ACYP2: variants seen among roughly 807,000 people sequenced by gnomAD.
ACYP2 encodes the protein acylphosphatase 2.
Under a neutral mutation model 11.2 loss-of-function variants are expected in ACYP2, and 12 were observed. That is an observed-to-expected ratio of 1.08 (90% CI 0.69 to 1.74). The LOEUF is 1.74. Among genes scored for constraint, ACYP2 ranks in the 40% most tolerant of loss-of-function variants. ACYP2 has a pLI of 0.00. For synonymous variants in ACYP2, 43 were observed against 32.2 expected (o/e 1.33, Z -1.13); for missense variants, 134 against 101.9 (o/e 1.31, Z -1.35).
chr2:54,239,562 T>C (rs1028306777), intron 6 of ACYP2, among the ~76,000 whole-genome samples: 6 of 152,200 alleles, frequency 3.9e-5, no homozygotes, highest in South Asian at 2.1e-4. Flanking sequence ...TGAAATAGCA[T>C]TGTTAGCATC....
intron 3 of ACYP2, among the ~76,000 whole-genome samples, chr2:54,055,285 C>A (rs899177755): frequency 1.3e-5 from 2 of 152,186 alleles, no homozygotes; most frequent in Admixed American, 6.5e-5. Flanking sequence ...ATCCACCTGC[C>A]TTGGCCACCC....
chr2:54,039,809 T>C (rs1338782696), intron 2 of ACYP2, among the ~76,000 whole-genome samples: 1 of 145,050 alleles, frequency 6.9e-6, no homozygotes, highest in Non-Finnish European at 1.5e-5. Context: ...TGTTTTATAT[T>C]TGTTTTCTTT....
chr2:54,114,670 G>A (rs935150034), intron 4 of ACYP2, among the ~76,000 whole-genome samples: 4 of 152,172 alleles, frequency 2.6e-5, no homozygotes, highest in African/African-American at 4.8e-5. Context: ...GGAGACAAGA[G>A]CGAAACTCCG....
At chr2:53,985,414 G>A (rs1256844198) in intron 2 of ACYP2, among the ~76,000 whole-genome samples, 1 of 151,860 alleles carries the variant, frequency 6.6e-6, no homozygotes, top group Non-Finnish European at 1.5e-5. Context: ...GGTCAAAAGG[G>A]GATCCTGCTT....
In ACYP2 at chr2:53,994,186, T is replaced by C. The variant is rs549069554; in HGVS notation, c.62+20376T>C. Among the ~76,000 whole-genome samples, 4 of 151,894 alleles carry C rather than the reference T, an allele frequency of 2.6e-5. No homozygotes were observed. In the South Asian group the frequency reaches 8.3e-4, roughly 32 times the overall value. ...TCTACTAAAAATACAAAAAATTAGCTGGGCGTGGTGGCAGGCGCCTGTAGC... is the reference window on the plus strand; with the variant it reads ...TCTACTAAAAATACAAAAAATTAGCCGGGCGTGGTGGCAGGCGCCTGTAGC... On this transcript the variant is annotated intron_variant, in intron 2 of 6. Coordinates refer to ENST00000607452, the MANE Select transcript of ACYP2 (RefSeq NM_001320586.2).
chr2:54,290,684 A>G (rs907379128), intron 6 of ACYP2, among the ~76,000 whole-genome samples: 2 of 152,060 alleles, frequency 1.3e-5, no homozygotes, highest in Non-Finnish European at 2.9e-5. Context: ...GCATCCCCCA[A>G]CCCCAACTCA....
At chr2:54,038,712 T>TAC (rs1444501520) in intron 2 of ACYP2, among the ~76,000 whole-genome samples, 2 of 105,984 alleles carry the variant, frequency 1.9e-5, no homozygotes, top group Non-Finnish European at 3.9e-5. Flanking sequence ...TATATATATA[T>TAC]ACTCTTCTAA....
chr2:54,038,429 T>C (rs1675027363), intron 2 of ACYP2, among the ~76,000 whole-genome samples: 1 of 152,078 alleles, frequency 6.6e-6, no homozygotes, highest in African/African-American at 2.4e-5. Flanking sequence ...TATATATGTA[T>C]GTATTTTATT....
chr2:54,029,006 A>G (rs750688995), intron 2 of ACYP2, among the ~76,000 whole-genome samples: 10 of 152,158 alleles, frequency 6.6e-5, no homozygotes, highest in African/African-American at 2.4e-4. Flanking sequence ...AAATATATAT[A>G]TTTTAAAAAT....
At chr2:54,168,596 G>A (rs1049700831) in intron 6 of ACYP2, among the ~76,000 whole-genome samples, 8 of 145,096 alleles carry the variant, frequency 5.5e-5, no homozygotes, top group East Asian at 2.1e-4. Context: ...GATACATTAC[G>A]GGGATAATAT....
intron 4 of ACYP2, among the ~76,000 whole-genome samples, chr2:54,134,964 G>C (rs193211602): frequency 1.3e-5 from 2 of 152,168 alleles, no homozygotes; most frequent in South Asian, 4.1e-4. Context: ...TCTTAGCAGC[G>C]TCAGCATACA....
rs1689850024 is a variant in ACYP2, at chr2:54,304,694, C to T, written c.411C>T (p.Ser137=). ...TTTATCTGTTTTTTTATAGGAAGTC[C>T]TGGCTGAGCAAGGTTGGAAGCCCTA... Residue 137 remains serine (S), a synonymous_variant, in exon 7 of 7, where the codon TCC becomes TCT. Coordinates refer to ENST00000607452, the MANE Select transcript of ACYP2 (RefSeq NM_001320586.2). 1.2e-6 allele frequency: 2 copies of T among 1,606,444 alleles called. No homozygotes were observed. Among genetic ancestry groups the T allele is most frequent in the South Asian group, 2.2e-5 (2 of 89,748 alleles).
intron 6 of ACYP2, among the ~76,000 whole-genome samples, chr2:54,278,265 A>C (rs1688699995): frequency 6.6e-6 from 1 of 152,208 alleles, no homozygotes; most frequent in Non-Finnish European, 1.5e-5. Flanking sequence ...GGCGTCAGCC[A>C]CCGCACCTAG....
At chr2:54,039,815 T>A (rs1395849947) in intron 2 of ACYP2, among the ~76,000 whole-genome samples, 1 of 124,228 alleles carries the variant, frequency 8.0e-6, no homozygotes, top group African/African-American at 3.0e-5. Context: ...ATATTTGTTT[T>A]CTTTTGTGTG....
At chr2:54,282,690 A>T (rs1688901270) in intron 6 of ACYP2, among the ~76,000 whole-genome samples, 1 of 152,238 alleles carries the variant, frequency 6.6e-6, no homozygotes, top group Admixed American at 6.5e-5. Context: ...TAATGGATAA[A>T]AACACCAGAC....
intron 4 of ACYP2, among the ~76,000 whole-genome samples, chr2:54,127,975 T>C (rs1228866826): frequency 6.6e-6 from 1 of 152,198 alleles, no homozygotes; most frequent in East Asian, 1.9e-4. Flanking sequence ...ACCTAATCTG[T>C]CATTATGATT....
intron 3 of ACYP2, among the ~76,000 whole-genome samples, chr2:54,056,671 A>G (rs753302132): frequency 1.3e-5 from 2 of 152,164 alleles, no homozygotes; most frequent in Non-Finnish European, 2.9e-5. Flanking sequence ...TATTTTTCCC[A>G]TGGAAGGGCT....
chr2:54,247,726 C>G (rs983664357), intron 6 of ACYP2, among the ~76,000 whole-genome samples: 1 of 152,072 alleles, frequency 6.6e-6, no homozygotes, highest in Non-Finnish European at 1.5e-5. Context: ...AAAATCTAAG[C>G]CAATTATTAT....
intron 6 of ACYP2, among the ~76,000 whole-genome samples, chr2:54,258,366 G>A (rs1687646284): frequency 1.3e-5 from 2 of 152,178 alleles, no homozygotes; most frequent in African/African-American, 4.8e-5. Flanking sequence ...AGCACGAGAA[G>A]TGCTAAGCAG....
Sources: allele counts gnomAD v4.1 joint callset (sites outside exome capture counted in the v4.1 genomes callset), GRCh38; gene constraint gnomAD v4.1.1; transcripts MANE v1.5; gene names NCBI Gene and HGNC (gene_info 2026-07-23, HGNC 2026-07-21).